The following AHCTF1 variants were observed in gnomAD, a reference collection of about 807,000 sequenced individuals.
AHCTF1 encodes AT-hook containing transcription factor 1.
A neutral mutation model predicts 248.4 loss-of-function variants in AHCTF1; 24 were observed. The ratio of observed to expected loss-of-function variants is 0.10; its 90% CI spans 0.07 to 0.14. The LOEUF (loss-of-function observed/expected upper bound fraction) is 0.14. AHCTF1 is among the 10% of genes least tolerant of loss of function. The pLI, the probability that AHCTF1 is intolerant of heterozygous loss-of-function variation, is 1.00. For missense variants in AHCTF1, 2,206 were observed against 2,636.2 expected, an observed-to-expected ratio of 0.84 and a Z score of 3.57; for synonymous variants, 786 against 929.8, an observed-to-expected ratio of 0.85 and a Z score of 2.81.
At chr1:246,919,390 T>A (rs1185458699) in intron 1 of AHCTF1, among the ~76,000 whole-genome samples, 3 of 152,144 alleles carry the variant, frequency 2.0e-5, no homozygotes, top group Non-Finnish European at 4.4e-5. Flanking sequence ...CATACAAATG[T>A]GTGGCCAGAA....
At chr1:246,915,780 T>C (rs1245961013) in intron 3 of AHCTF1, among the ~76,000 whole-genome samples, 1 of 152,162 alleles carries the variant, frequency 6.6e-6, no homozygotes, top group Middle Eastern at 3.2e-3. Context: ...TGAATAGTAA[T>C]GAATACATTT....
chr1:246,901,289 C>T (rs1036862565), intron 8 of AHCTF1, among the ~76,000 whole-genome samples: 14 of 152,120 alleles, frequency 9.2e-5, no homozygotes, highest in African/African-American at 2.7e-4. Context: ...TGCAGTGAGA[C>T]GAGATCGTGC....
rs1213221269 is a variant in AHCTF1, at chr1:246,850,176, T to A, written c.5830A>T (p.Ser1944Cys). The stretch of plus-strand genomic sequence containing the variant: ...GAGTCTTCTCTCACATCTGATGGAC[T>A]AACTTCTCTCCCTCTGACCCTTCTA... ...HVRRVRGREV[S>C]PSDVREDSNL... Residue 1944 changes from serine to cysteine, a missense_variant, in exon 33 of 36, where the codon AGT becomes TGT. Ser to Cys is a moderately radical substitution (Grantham distance 112). Coordinates refer to ENST00000648844, the MANE Select transcript of AHCTF1 (RefSeq NM_001323342.2). 6 of 1,613,854 alleles carry A rather than the reference T, an allele frequency of 3.7e-6. No individual in the cohort carries two copies. The highest frequency in any genetic ancestry group is 5.1e-6 in the Non-Finnish European group (6 of 1,179,862).
intron 2 of AHCTF1, among the ~76,000 whole-genome samples, 154 bp downstream of exon 2, chr1:246,918,096 T>C (rs1051036497): frequency 2.0e-5 from 3 of 152,338 alleles, no homozygotes; most frequent in African/African-American, 7.2e-5. Context: ...TAAGAGCTTA[T>C]AGATGTTATA....
At chr1:246,863,161 A>C (rs1031442615) in intron 27 of AHCTF1, among the ~76,000 whole-genome samples, 2 of 152,204 alleles carry the variant, frequency 1.3e-5, no homozygotes, top group Non-Finnish European at 2.9e-5. Flanking sequence ...ATTGAAACCT[A>C]ATCTTTTCAA....
At chr1:246,927,261 T>C (rs72766549) in intron 1 of AHCTF1, among the ~76,000 whole-genome samples, 4,879 of 151,734 alleles carry the variant, frequency 0.032, 99 homozygotes, top group East Asian at 0.07. Flanking sequence ...GGCGGGAGAA[T>C]GGCTGAGGTC....
intron 7 of AHCTF1, 93 bp from the exon 8 acceptor site, chr1:246,902,768 C>T (rs1665096852): frequency 1.6e-6 from 2 of 1,260,538 alleles, no homozygotes; most frequent in African/African-American, 3.0e-5. Context: ...ATTGTTCACA[C>T]AATACAAAGA....
At chr1:246,926,891 T>A (rs1040939901) in intron 1 of AHCTF1, among the ~76,000 whole-genome samples, 1 of 145,886 alleles carries the variant, frequency 6.9e-6, no homozygotes, top group Non-Finnish European at 1.5e-5. Context: ...CAAAAGTGTA[T>A]GGCCGGGCCG....
chr1:246,889,270 CTCT>C (rs1417214101), intron 17 of AHCTF1, among the ~76,000 whole-genome samples: 1 of 145,332 alleles, frequency 6.9e-6, no homozygotes, highest in Non-Finnish European at 1.5e-5. Context: ...CTTTTCTTTT[CTCT>C]TCTTTTTTCC....
intron 26 of AHCTF1, chr1:246,864,423 A>G (rs573715503): frequency 1.4e-4 from 32 of 232,714 alleles, no homozygotes; most frequent in African/African-American, 7.0e-4. Context: ...ATGAAGATGA[A>G]CTGCCAATGA....
intron 1 of AHCTF1, among the ~76,000 whole-genome samples, chr1:246,923,728 TGTGC>T (rs1666737481): frequency 7.1e-6 from 1 of 141,508 alleles, no homozygotes; most frequent in African/African-American, 2.6e-5. Flanking sequence ...AAATGAAATG[TGTGC>T]GTGCATGCGT....
At chr1:246,871,659 G>T (rs1349169551) in intron 24 of AHCTF1, among the ~76,000 whole-genome samples, 1 of 152,106 alleles carries the variant, frequency 6.6e-6, no homozygotes, top group African/African-American at 2.4e-5. Context: ...AGGCCATCAT[G>T]TCTCCACAGA....
rs12239496 is a variant in AHCTF1 at position 246,848,038 on chromosome 1, C to T, written c.6391+1577G>A. Reference sequence around the variant, plus strand: ...CATGCAAAACATAGGTCTAACCACACTTTTCTAACACTGTGAAGAAATTAA... The same window carrying T: ...CATGCAAAACATAGGTCTAACCACATTTTTCTAACACTGTGAAGAAATTAA... On this transcript the variant is annotated intron_variant, in intron 33 of 35. Transcript: ENST00000648844. Among the ~76,000 whole-genome samples the T allele has an allele frequency of 4.5e-3, 685 of 152,300 alleles. 3 individuals are homozygous for T. The highest frequency in any genetic ancestry group is 0.016 in the African/African-American group (657 of 41,564).
intron 21 of AHCTF1, among the ~76,000 whole-genome samples, chr1:246,882,029 G>A (rs1027137960): frequency 7.6e-6 from 1 of 130,748 alleles, no homozygotes; most frequent in Non-Finnish European, 1.6e-5. Context: ...ATGGAGTCTT[G>A]CTCTGTCGCC....
At chr1:246,919,405 A>C (rs568315557) in intron 1 of AHCTF1, among the ~76,000 whole-genome samples, 1 of 152,332 alleles carries the variant, frequency 6.6e-6, no homozygotes, top group South Asian at 2.1e-4. Flanking sequence ...CCAGAATTCA[A>C]GCTAGGTTAT....
At position 246,891,079 on chromosome 1, in the gene AHCTF1, A is replaced by G. The variant is rs746476506; in HGVS notation, c.1946-19T>C. 1 of 1,492,654 alleles carries G rather than the reference A, an allele frequency of 6.7e-7. No individual in the cohort carries two copies. The highest frequency in any genetic ancestry group is 8.9e-7 in the Non-Finnish European group (1 of 1,118,548). 92.5% of individuals were successfully genotyped at this position (1,492,654 alleles called of 1,614,324 possible). A position where few individuals can be genotyped will look rare whatever the true frequency, so the allele number is the denominator to read the frequency against. ...ATCAGTCCTGTAAAGAAGAGTTAAC[A>G]TCAGTTGTTTACTTACAAAAAAATC... On this transcript the variant is annotated intron_variant, in intron 15 of 35. Transcript: ENST00000648844.
At chr1:246,902,218 G>T (rs1031347106) in intron 8 of AHCTF1, among the ~76,000 whole-genome samples, 1 of 152,252 alleles carries the variant, frequency 6.6e-6, no homozygotes, top group Admixed American at 6.5e-5. Context: ...GCCATACATG[G>T]CTCAAAAAAT....
rs116757531 is a variant in AHCTF1, at chr1:246,887,622, T to C, written c.2326-265A>G. On this transcript the variant is annotated intron_variant, in intron 19 of 35. Coordinates refer to ENST00000648844, the MANE Select transcript of AHCTF1 (RefSeq NM_001323342.2). ...ATAAAGCGTATTTTTATGAAGTCAG[T>C]AGCTCAGTAAATACAAGAAACAAAG... Among the ~76,000 whole-genome samples the C allele has an allele frequency of 9.4e-3, 1,425 of 152,300 alleles. 26 individuals carry two copies. The highest frequency in any genetic ancestry group is 0.032 in the African/African-American group (1,347 of 41,560).
intron 2 of AHCTF1, among the ~76,000 whole-genome samples, chr1:246,916,906 C>T (rs1407802888): frequency 6.6e-6 from 1 of 152,128 alleles, no homozygotes; most frequent in Non-Finnish European, 1.5e-5. Context: ...TAAAATAGAA[C>T]ATATTATTCT....
Sources: gnomAD v4.1 joint callset for allele counts (sites outside exome capture counted in the v4.1 genomes callset) on GRCh38, gnomAD v4.1.1 for gene constraint, MANE v1.5 for transcripts, NCBI Gene and HGNC (gene_info 2026-07-23, HGNC 2026-07-21) for gene names.